GPR63: variants seen among roughly 807,000 people sequenced by gnomAD.
The protein encoded by GPR63 is probable G protein-coupled receptor 63.
In GPR63, 12 loss-of-function variants were observed where a neutral mutation model predicts 23.1. The observed-to-expected ratio is 0.52, with a 90% CI of 0.33 to 0.84. The LOEUF (loss-of-function observed/expected upper bound fraction) is 0.84, where lower values mean the gene tolerates loss of function less well. Among genes scored for constraint, GPR63 ranks in the 40% least tolerant of loss-of-function variants. The pLI is 0.02. For synonymous variants in GPR63, 172 were observed against 191.1 expected (o/e 0.90, Z 0.82); for missense variants, 472 against 515.6 (o/e 0.92, Z 0.82).
intron 1 of GPR63, among the ~76,000 whole-genome samples, chr6:96,837,048 T>G (rs965038791): frequency 6.6e-6 from 1 of 152,094 alleles, no homozygotes; most frequent in Non-Finnish European, 1.5e-5. Context: ...GTCCCCACCG[T>G]GTGGCGCCGA....
intron 1 of GPR63, among the ~76,000 whole-genome samples, chr6:96,824,654 A>G (rs1156408891): frequency 3.8e-5 from 3 of 78,446 alleles, no homozygotes; most frequent in Non-Finnish European, 8.3e-5. Context: ...AAAAATGAAA[A>G]AAAAAAAAAA....
chr6:96,836,286 C>G (rs542051126), intron 1 of GPR63, among the ~76,000 whole-genome samples: 55 of 152,264 alleles, frequency 3.6e-4, no homozygotes, highest in African/African-American at 1.3e-3. Flanking sequence ...ATTAGAATGT[C>G]TGAAGCAGTA....
intron 1 of GPR63, among the ~76,000 whole-genome samples, chr6:96,802,571 G>A (rs1356433807): frequency 2.9e-5 from 4 of 140,006 alleles, no homozygotes; most frequent in Non-Finnish European, 6.1e-5. Flanking sequence ...ACAGAGTCTC[G>A]CTCTGTCACC....
chr6:96,820,213 C>T (rs141069913), intron 1 of GPR63, among the ~76,000 whole-genome samples: 6 of 151,902 alleles, frequency 3.9e-5, no homozygotes, highest in East Asian at 1.9e-4. Flanking sequence ...TTAGGAAATA[C>T]GTTAAGACAG....
At chr6:96,828,498 G>T (rs1774498359) in intron 1 of GPR63, among the ~76,000 whole-genome samples, 2 of 149,264 alleles carry the variant, frequency 1.3e-5, no homozygotes, top group Admixed American at 1.3e-4. Flanking sequence ...AATTGTCTGG[G>T]TAACCACTAA....
chr6:96,804,803 C>A (rs1157220179), intron 1 of GPR63, among the ~76,000 whole-genome samples: 1 of 152,130 alleles, frequency 6.6e-6, no homozygotes, highest in Non-Finnish European at 1.5e-5. Flanking sequence ...AATTTCTCTT[C>A]CCTTTGTACT....
intron 1 of GPR63, among the ~76,000 whole-genome samples, chr6:96,811,466 ATC>A (rs377326949): frequency 6.6e-6 from 1 of 152,186 alleles, no homozygotes; most frequent in Admixed American, 6.5e-5. Context: ...ATTATGGAGC[ATC>A]TCTCTCTCAT....
chr6:96,811,697 T>A (rs1194152999), intron 1 of GPR63, among the ~76,000 whole-genome samples: 1 of 151,984 alleles, frequency 6.6e-6, no homozygotes, highest in African/African-American at 2.4e-5. Flanking sequence ...TTGCAACATA[T>A]CCAGAGATTC....
chr6:96,821,249 T>G (rs1301745837), intron 1 of GPR63, among the ~76,000 whole-genome samples: 2 of 152,238 alleles, frequency 1.3e-5, no homozygotes, highest in East Asian at 1.9e-4. Flanking sequence ...GCAGTTTCAC[T>G]TAAGTCAGAA....
intron 1 of GPR63, among the ~76,000 whole-genome samples, chr6:96,822,899 C>T (rs981913659): frequency 2.0e-5 from 3 of 152,142 alleles, no homozygotes; most frequent in Admixed American, 6.5e-5. Context: ...GACATTTTAG[C>T]TAAGGGCAGA....
intron 1 of GPR63, among the ~76,000 whole-genome samples, chr6:96,800,750 T>C (rs9487190): frequency 0.08 from 12,208 of 152,160 alleles, 844 homozygotes; most frequent in African/African-American, 0.19. Flanking sequence ...TCTATTCTCT[T>C]CTCCCTAAAA....
At chr6:96,820,978 C>T (rs1582269078) in intron 1 of GPR63, among the ~76,000 whole-genome samples, 1 of 152,286 alleles carries the variant, frequency 6.6e-6, no homozygotes, top group East Asian at 1.9e-4. Flanking sequence ...AATAAAAAGT[C>T]AGTCGGGGAA....
At chr6:96,820,986 G>GA (rs1465873477) in intron 1 of GPR63, among the ~76,000 whole-genome samples, 21 of 152,128 alleles carry the variant, frequency 1.4e-4, no homozygotes, top group Admixed American at 5.9e-4. Flanking sequence ...GTCAGTCGGG[G>GA]AAACAATAGT....
At position 96,798,971 on chromosome 6, in the gene GPR63, G is replaced by C. The variant is rs145183978; in HGVS notation, c.761C>G (p.Pro254Arg). 1.1e-5 allele frequency: 18 copies of C among 1,613,986 alleles called. No homozygotes were observed. The highest frequency in any genetic ancestry group is 1.3e-5 in the African/African-American group (1 of 74,890). ...ILISLISFFI[P>R]FLVILYSFMG... The stretch of plus-strand genomic sequence containing the variant: ...AAATGAGTACAGTATTACCAGGAAG[G>C]GTATGAAGAAAGAAATGAGAGAAAT... Residue 254 changes from proline (P) to arginine (R), a missense_variant, in exon 2 of 2, where the codon CCC becomes CGC. Physicochemically the swap from Pro to Arg is moderately radical, Grantham distance 103 (BLOSUM62 -2). Coordinates refer to ENST00000229955, the MANE Select transcript of GPR63 (RefSeq NM_030784.4).
chr6:96,818,377 C>T (rs574698451), intron 1 of GPR63, among the ~76,000 whole-genome samples: 6 of 152,078 alleles, frequency 3.9e-5, no homozygotes, highest in East Asian at 3.9e-4. Flanking sequence ...GCAAGAGAAT[C>T]GCCTGAACCC....
chr6:96,795,302 G>A lies in GPR63; in HGVS notation c.*3170C>T, dbSNP rs1444238512. ...TTCTTACTAGCCAGAAGGAAAAACA[G>A]GCAAACAAAAAACCATTTCTGATTA... is the stretch of plus-strand genomic sequence containing the variant. On this transcript the variant is annotated 3_prime_UTR_variant, in exon 2 of 2. Transcript: ENST00000229955. 1 of 152,134 alleles carries A rather than the reference G, an allele frequency of 6.6e-6. No homozygotes were observed. The highest frequency in any genetic ancestry group is 1.5e-5 in the Non-Finnish European group (1 of 68,008). 9.4% of individuals were successfully genotyped at this position (152,134 alleles called of 1,614,324 possible). A position where few individuals can be genotyped will look rare whatever the true frequency, so the allele number is the denominator to read the frequency against.
At chr6:96,801,066 A>G (rs1316763013) in intron 1 of GPR63, among the ~76,000 whole-genome samples, 1 of 152,174 alleles carries the variant, frequency 6.6e-6, no homozygotes, top group African/African-American at 2.4e-5. Flanking sequence ...CTGGAGAGGT[A>G]ACCTCTTTAT....
Position 96,799,721 on chromosome 6 carries a change from G to T in GPR63, c.11C>A (p.Ser4Ter). The change falls in exon 2 of 2, where the codon TCG (serine) becomes TAG (stop). Residue 4 changes from serine (S) to a stop codon, truncating the protein, a stop_gained. Coordinates refer to ENST00000229955, the MANE Select transcript of GPR63 (RefSeq NM_030784.4). LOFTEE classifies it high-confidence loss of function. MVF[S>*]AVLTAFHTGT... is the part of the protein sequence containing the mutation. Reference sequence around the variant, plus strand: ...GGTATGGAACGCAGTCAACACTGCCGAGAAGACCATGGTTTCAGTAGGATG... The same window carrying T: ...GGTATGGAACGCAGTCAACACTGCCTAGAAGACCATGGTTTCAGTAGGATG... 4 of 1,614,158 alleles carry T rather than the reference G, an allele frequency of 2.5e-6. No individual in the cohort carries two copies. The highest frequency in any genetic ancestry group is 3.4e-6 in the Non-Finnish European group (4 of 1,180,016).
At chr6:96,816,938 C>T (rs1774179098) in intron 1 of GPR63, among the ~76,000 whole-genome samples, 1 of 152,158 alleles carries the variant, frequency 6.6e-6, no homozygotes, top group Non-Finnish European at 1.5e-5. Flanking sequence ...GTTTAAGTTT[C>T]TTAATATTTA....
Sources: allele counts gnomAD v4.1 joint callset (sites outside exome capture counted in the v4.1 genomes callset), GRCh38; gene constraint gnomAD v4.1.1; transcripts MANE v1.5; gene names NCBI Gene and HGNC (gene_info 2026-07-23, HGNC 2026-07-21).